Variants in KCNK13 observed in about 807,000 individuals in gnomAD.
KCNK13 encodes potassium two pore domain channel subfamily K member 13, also known as potassium channel subfamily K member 13.
In KCNK13, 12 loss-of-function variants were observed where a neutral mutation model predicts 23.4. That is an observed-to-expected ratio of 0.51 (90% CI 0.33 to 0.83). The LOEUF is 0.83. KCNK13 is among the 40% of genes least tolerant of loss of function. The pLI is 0.02. For synonymous variants in KCNK13, 231 were observed against 229.5 expected (o/e 1.01, Z -0.06); for missense variants, 463 against 556.3 (o/e 0.83, Z 1.69).
chr14:90,178,353 G>A (rs11621667), intron 1 of KCNK13, among the ~76,000 whole-genome samples: 8,619 of 151,344 alleles, frequency 0.057, 383 homozygotes, highest in African/African-American at 0.12. Context: ...GTGCAATGGC[G>A]CAATCTCATT....
At chr14:90,093,594 T>A (rs1260627446) in intron 1 of KCNK13, among the ~76,000 whole-genome samples, 1 of 152,070 alleles carries the variant, frequency 6.6e-6, no homozygotes, top group African/African-American at 2.4e-5. Flanking sequence ...CTAAATTAGA[T>A]GAAGTGGAAA....
chr14:90,184,630 A>C lies in KCNK13; in HGVS notation c.854A>C (p.Gln285Pro). The part of the protein sequence containing the change: ...LFNVISILIK[Q>P]SLNWILRKMD... ...AATGTCATCTCTATCCTCATCAAACAGTCCTTGAACTGGATCCTGAGGAAA... is the reference window on the plus strand; with the variant it reads ...AATGTCATCTCTATCCTCATCAAACCGTCCTTGAACTGGATCCTGAGGAAA... The change falls in exon 2 of 2, where the codon CAG (glutamine) becomes CCG (proline). Residue 285 changes from glutamine (Q) to proline (P), a missense_variant. Physicochemically the swap from Gln to Pro is moderately conservative, Grantham distance 76. Around this residue, in one of 3 missense-constraint regions of KCNK13, gnomAD observed 166 missense variants for 178.8 expected, o/e 0.93. Coordinates refer to ENST00000282146, the MANE Select transcript of KCNK13 (RefSeq NM_022054.4). This position sits in a 1 kb window ranked among gnomAD's most constrained non-coding sequence, Gnocchi z 5.6. 1 of 1,614,254 alleles carries C rather than the reference A, an allele frequency of 6.2e-7. No homozygotes were observed. The highest frequency in any genetic ancestry group is 8.5e-7 in the Non-Finnish European group (1 of 1,180,050).
At chr14:90,133,598 CAAAAA>C (rs35500723) in intron 1 of KCNK13, among the ~76,000 whole-genome samples, 1 of 117,250 alleles carries the variant, frequency 8.5e-6, no homozygotes, top group South Asian at 2.7e-4. Context: ...ACAAAACAGG[CAAAAA>C]AAAAAAAAAA....
intron 1 of KCNK13, among the ~76,000 whole-genome samples, chr14:90,172,870 C>T (rs1890381044): frequency 6.6e-6 from 1 of 152,138 alleles, no homozygotes; most frequent in Non-Finnish European, 1.5e-5. Context: ...AATTTTCAAT[C>T]AGAGAAATGA....
intron 1 of KCNK13, among the ~76,000 whole-genome samples, chr14:90,091,572 C>T (rs1404700152): frequency 6.6e-6 from 1 of 152,126 alleles, no homozygotes; most frequent in African/African-American, 2.4e-5. Context: ...TGCCCAAAAG[C>T]CTGTTTCTGG....
intron 1 of KCNK13, among the ~76,000 whole-genome samples, chr14:90,098,106 C>T (rs1239267975): frequency 6.6e-6 from 1 of 152,148 alleles, no homozygotes; most frequent in Non-Finnish European, 1.5e-5. Flanking sequence ...CTATATGCTC[C>T]ATGTGCCACA....
At chr14:90,136,918 G>A (rs975793726) in intron 1 of KCNK13, among the ~76,000 whole-genome samples, 2 of 152,116 alleles carry the variant, frequency 1.3e-5, no homozygotes, top group African/African-American at 2.4e-5. Flanking sequence ...CATTAGCGTC[G>A]TCATGTGTAT....
Position 90,112,219 on chromosome 14 carries a change from G to C in KCNK13, c.334+49680G>C, listed in dbSNP as rs1441679176. Among the ~76,000 whole-genome samples the C allele has an allele frequency of 2.6e-5, 4 of 152,310 alleles. No individual in the cohort carries two copies. The East Asian group carries it at 7.7e-4, about 29-fold the overall frequency. ...CGATGCCATTTACATTGTGTTCCGT[G>C]GGTAAGGCGGTGCTGCTGACATGCA... On this transcript the variant is annotated intron_variant, in intron 1 of 1. Transcript: ENST00000282146.
chr14:90,101,960 T>C (rs1481392828), intron 1 of KCNK13, among the ~76,000 whole-genome samples: 2 of 151,716 alleles, frequency 1.3e-5, no homozygotes, highest in Admixed American at 1.3e-4. Context: ...CTTGGCTCAC[T>C]GCAACCTCTG....
intron 1 of KCNK13, among the ~76,000 whole-genome samples, chr14:90,166,012 A>G (rs1890298267): frequency 6.6e-6 from 1 of 152,226 alleles, no homozygotes; most frequent in Non-Finnish European, 1.5e-5. Context: ...CAGATGATTT[A>G]AAGAGTCTCT....
intron 1 of KCNK13, among the ~76,000 whole-genome samples, chr14:90,179,822 T>C (rs1890465514): frequency 6.6e-6 from 1 of 152,242 alleles, no homozygotes. Context: ...GATGTAATTA[T>C]ATCATTTGTT....
rs556405631 is a variant in KCNK13, at chr14:90,156,758, G to A, written c.335-27353G>A. 2.0e-5 allele frequency among the ~76,000 whole-genome samples: 3 copies of A among 152,260 alleles called. No individual in the cohort carries two copies. In the South Asian group the frequency reaches 6.2e-4, roughly 32 times the overall value. On this transcript the variant is annotated intron_variant, in intron 1 of 1. Transcript: ENST00000282146. ...GTTAAATACCATATCCAAGGTCCTC[G>A]TGTGCATGAGTGGCAAAAGCAAGAT...
chr14:90,062,452 C>G lies in KCNK13; in HGVS notation c.247C>G (p.Arg83Gly), dbSNP rs1390458694. 6.5e-7 allele frequency: 1 copy of G among 1,546,314 alleles called. No homozygotes were observed. The highest frequency in any genetic ancestry group is 1.4e-5 in the African/African-American group (1 of 72,528). ...GFLRHYEEAT[R>G]AGIRVDNVRP... ...CCTCCGCCACTACGAGGAGGCCACT[C>G]GGGCCGGCATCCGCGTGGACAACGT... The change falls in exon 1 of 2, where the codon CGG (arginine) becomes GGG (glycine). Residue 83 changes from arginine to glycine, a missense_variant. By Grantham distance (125) the Arg-to-Gly change is moderately radical (BLOSUM62 -2). This residue lies in a region of KCNK13 where 153 missense variants were observed against 153.6 expected (regional missense o/e 1.00). Coordinates refer to ENST00000282146, the MANE Select transcript of KCNK13 (RefSeq NM_022054.4). The surrounding 1 kb of genome is among the most constrained non-coding windows in gnomAD (Gnocchi z 4.5).
At chr14:90,146,508 G>T (rs1215273272) in intron 1 of KCNK13, among the ~76,000 whole-genome samples, 1 of 152,004 alleles carries the variant, frequency 6.6e-6, no homozygotes, top group Non-Finnish European at 1.5e-5. Flanking sequence ...TAGAGATGGG[G>T]TTTCACCAAG....
At chr14:90,119,349 A>G (rs918045624) in intron 1 of KCNK13, among the ~76,000 whole-genome samples, 4 of 152,112 alleles carry the variant, frequency 2.6e-5, no homozygotes, top group Non-Finnish European at 5.9e-5. Context: ...AAAAAAGAAA[A>G]CTTCAGGTTA....
At chr14:90,156,283 C>T (rs757329696) in intron 1 of KCNK13, among the ~76,000 whole-genome samples, 31 of 150,338 alleles carry the variant, frequency 2.1e-4, no homozygotes, top group African/African-American at 4.2e-4. Flanking sequence ...ATCAAGGGAA[C>T]GAACAGAGAG....
intron 1 of KCNK13, among the ~76,000 whole-genome samples, chr14:90,175,999 C>T (rs897533447): frequency 1.3e-5 from 2 of 152,102 alleles, no homozygotes; most frequent in Non-Finnish European, 2.9e-5. Context: ...AGTACAGCAT[C>T]GCTCCCACCA....
chr14:90,179,323 A>C (rs1179399976), intron 1 of KCNK13, among the ~76,000 whole-genome samples: 1 of 135,456 alleles, frequency 7.4e-6, no homozygotes, highest in East Asian at 3.4e-4. Flanking sequence ...CAAAGCTTTT[A>C]CTTTTTTTTT....
chr14:90,158,629 G>A (rs1357282540), intron 1 of KCNK13, among the ~76,000 whole-genome samples: 2 of 152,196 alleles, frequency 1.3e-5, no homozygotes, highest in African/African-American at 4.8e-5. Flanking sequence ...AGGCTTCCTG[G>A]GGTGCAGTGT....
Sources: gnomAD v4.1 joint callset for allele counts (sites outside exome capture counted in the v4.1 genomes callset) on GRCh38, gnomAD v4.1.1 for gene constraint, gnomAD v4.1.1 regional missense constraint, Gnocchi (gnomAD v3.1) non-coding constraint, MANE v1.5 for transcripts, NCBI Gene and HGNC (gene_info 2026-07-23, HGNC 2026-07-21) for gene names.